Variants in PIN4 observed in about 807,000 individuals in gnomAD.
The protein encoded by PIN4 is peptidylprolyl cis/trans isomerase, NIMA-interacting 4.
PIN4 carries 3 observed loss-of-function variants against 8.3 expected under a neutral mutation model. That is an observed-to-expected ratio of 0.36 (90% confidence interval 0.16 to 0.93). The LOEUF (loss-of-function observed/expected upper bound fraction) is 0.93. Ranked by LOEUF, PIN4 falls within the 40% of genes least tolerant of loss-of-function variation. PIN4 has a pLI of 0.44. For missense variants in PIN4, 75 were observed against 100.6 expected, an observed-to-expected ratio of 0.75 and a Z score of 1.09; for synonymous variants, 18 against 32.5, an observed-to-expected ratio of 0.55 and a Z score of 1.52.
chrX:72,181,681 A>T, upstream of PIN4: 1 of 834,699 alleles, frequency 1.2e-6, no homozygotes, highest in Non-Finnish European at 1.8e-6. Flanking sequence ...CGGTCAATTG[A>T]GATGCGGCTT....
chrX:72,209,614 T>A (rs2042840836), intron 3 of PIN4, among the ~76,000 whole-genome samples: 1 of 111,309 alleles, frequency 9.0e-6, no homozygotes, highest in African/African-American at 3.3e-5. Context: ...CCACCTTCTT[T>A]CCATCTCTAC....
chrX:72,239,078 G>T, intron 3 of PIN4: 1 of 484,053 alleles, frequency 2.1e-6, no homozygotes, highest in Non-Finnish European at 3.4e-6. Context: ...CTCGCGGCCG[G>T]CCAATCCGCG....
At chrX:72,215,244 A>G (rs1032634837) in intron 3 of PIN4, among the ~76,000 whole-genome samples, 6 of 111,781 alleles carry the variant, frequency 5.4e-5, no homozygotes, top group African/African-American at 1.6e-4. Context: ...ATGCCTGGGA[A>G]AGGGCGTGAG....
exon 4 of PIN4, chrX:72,262,774 C>T: frequency 8.8e-7 from 1 of 1,132,068 alleles, no homozygotes; most frequent in Non-Finnish European, 1.2e-6. Context: ...TCATTGGTAT[C>T]ATATTTACAA....
intron 3 of PIN4, among the ~76,000 whole-genome samples, chrX:72,211,682 G>A (rs2042854942): frequency 9.0e-6 from 1 of 110,965 alleles, no homozygotes; most frequent in Non-Finnish European, 1.9e-5. Flanking sequence ...TATTCAGGAG[G>A]CTGAGGCAAG....
At chrX:72,237,325 T>G (rs1010626284) in intron 3 of PIN4, among the ~76,000 whole-genome samples, 1 of 111,259 alleles carries the variant, frequency 9.0e-6, no homozygotes, top group Non-Finnish European at 1.9e-5. Context: ...GGCGAGACCC[T>G]GTCTCTACTA....
intron 3 of PIN4, among the ~76,000 whole-genome samples, chrX:72,241,320 G>A (rs2043048231): frequency 9.0e-6 from 1 of 110,943 alleles, no homozygotes; most frequent in African/African-American, 3.3e-5. Flanking sequence ...TTATGAAAGG[G>A]CTGGAGGGAG....
intron 3 of PIN4, among the ~76,000 whole-genome samples, chrX:72,254,468 T>A (rs878929): frequency 0.3 from 33,161 of 111,378 alleles, 3,989 homozygotes; most frequent in East Asian, 0.49. Context: ...TTGTTTCTCC[T>A]GTAGATATCA....
intron 3 of PIN4, among the ~76,000 whole-genome samples, chrX:72,224,809 C>T (rs750817775): frequency 9.0e-6 from 1 of 111,239 alleles, no homozygotes; most frequent in South Asian, 3.8e-4. Flanking sequence ...TAGTATGGAA[C>T]ACTGACTCCC....
intron 3 of PIN4, chrX:72,208,566 C>T: frequency 8.3e-7 from 1 of 1,211,820 alleles, no homozygotes; most frequent in Non-Finnish European, 1.1e-6. Context: ...CCAACTCCTC[C>T]AAGGCTTCCT....
chrX:72,238,744 C>G (rs2043031712), intron 3 of PIN4: 2 of 794,525 alleles, frequency 2.5e-6, no homozygotes, highest in Non-Finnish European at 3.6e-6. Flanking sequence ...TCAAAAGGCT[C>G]CGCCTCAACA....
chrX:72,197,777 C>T lies in PIN4; in HGVS notation c.*251C>T. On this transcript the variant is annotated 3_prime_UTR_variant, in exon 4 of 4. Transcript: ENST00000373669. Reference sequence around the variant, plus strand: ...GAGAAGTCAAGCAGACTCCCTTTAACCTGTATTCTCTTTCCTCCCAGAACT... The same window carrying T: ...GAGAAGTCAAGCAGACTCCCTTTAATCTGTATTCTCTTTCCTCCCAGAACT... 1.2e-6 allele frequency: 1 copy of T among 858,993 alleles called. No homozygotes were observed. Among genetic ancestry groups the T allele is most frequent in the Non-Finnish European group, 1.4e-6 (1 of 703,171 alleles). The allele number at this position is 858,993 out of a possible 1,213,427, so 70.8% of individuals were successfully genotyped here.
At position 72,239,621 on chromosome X, in the gene PIN4, A is replaced by C. The variant is rs764086411; in HGVS notation, c.313-23086A>C. The stretch of plus-strand genomic sequence containing the variant: ...CCCCGTCTCTACTAAAAATACAAAA[A>C]ATTAGCCGGGCGTGGTGGCGGGCGC... On this transcript the variant is annotated intron_variant, in intron 3 of 3. Transcript: ENST00000423432. Among the ~76,000 whole-genome samples, 7 of 109,849 alleles carry C rather than the reference A, an allele frequency of 6.4e-5. No homozygotes were observed. The Admixed American group carries it at 6.7e-4, about 11-fold the overall frequency.
chrX:72,223,940 G>A (rs2042940327), intron 3 of PIN4, among the ~76,000 whole-genome samples: 1 of 110,917 alleles, frequency 9.0e-6, no homozygotes, highest in Non-Finnish European at 1.9e-5. Flanking sequence ...GGGGACACTG[G>A]AAAATGGACT....
At chrX:72,227,449 C>T (rs1437323026) in intron 3 of PIN4, among the ~76,000 whole-genome samples, 1 of 111,925 alleles carries the variant, frequency 8.9e-6, no homozygotes, top group Admixed American at 9.5e-5. Context: ...TTGCCTTTGG[C>T]CCTTCTAAAA....
chrX:72,197,335 C>T, intron 3 of PIN4, 33 bp from the exon 4 acceptor site: 1 of 1,168,880 alleles, frequency 8.6e-7, no homozygotes, highest in South Asian at 1.9e-5. Flanking sequence ...TCTTCTGGGC[C>T]ACTTGATATC....
Position 72,197,881 on chromosome X carries a change from A to C in PIN4, c.*355A>C. On this transcript the variant is annotated 3_prime_UTR_variant, in exon 4 of 4. Coordinates refer to ENST00000373669, the MANE Select transcript of PIN4 (RefSeq NM_006223.4). ...AAGCAGATATCAACTCACACTATTC[A>C]CACAACTGAAAATATTGGGCATCAA... is the stretch of plus-strand genomic sequence containing the variant. The C allele has an allele frequency of 1.3e-6, 1 of 762,447 alleles. No homozygotes were observed. The highest frequency in any genetic ancestry group is 1.6e-6 in the Non-Finnish European group (1 of 641,646). The allele number at this position is 762,447 out of a possible 1,213,427, so 62.8% of individuals were successfully genotyped here. A position where few individuals can be genotyped will look rare whatever the true frequency, so the allele number is the denominator to read the frequency against.
At chrX:72,239,379 C>A (rs2043038408) in intron 3 of PIN4, among the ~76,000 whole-genome samples, 1 of 112,638 alleles carries the variant, frequency 8.9e-6, no homozygotes, top group Non-Finnish European at 1.9e-5. Context: ...TGCCCCGCAT[C>A]CACAGATATC....
chrX:72,206,930 T>C lies in PIN4; in HGVS notation c.312+10026T>C, dbSNP rs1379308095. The C allele has an allele frequency of 2.9e-5, 35 of 1,209,517 alleles. No homozygotes were observed. Among genetic ancestry groups the C allele is most frequent in the Non-Finnish European group, 3.7e-5 (33 of 895,063 alleles). On this transcript the variant is annotated intron_variant, in intron 3 of 3. Transcript: ENST00000423432. Reference sequence around the variant, plus strand: ...TTACTAAAATATCGGAAAGGGTTCTTTTTTTCACCAGTAGTTTGTCTTATT... The same window carrying C: ...TTACTAAAATATCGGAAAGGGTTCTCTTTTTCACCAGTAGTTTGTCTTATT...
Sources: gnomAD v4.1 joint callset for allele counts (sites outside exome capture counted in the v4.1 genomes callset) on GRCh38, gnomAD v4.1.1 for gene constraint, MANE v1.5 for transcripts, NCBI Gene and HGNC (gene_info 2026-07-23, HGNC 2026-07-21) for gene names.